The following AGMO variants were observed in gnomAD, a reference collection of about 807,000 sequenced individuals.
AGMO encodes glyceryl-ether monooxygenase.
A neutral mutation model predicts 60.2 loss-of-function variants in AGMO; 75 were observed. That is an observed-to-expected ratio of 1.25 (90% confidence interval 1.03 to 1.51). The LOEUF is 1.51. Ranked by LOEUF, AGMO falls within the 40% of genes most tolerant of loss-of-function variation. The pLI, the probability that AGMO is intolerant of heterozygous loss-of-function variation, is 0.00. For missense variants in AGMO, 763 were observed against 525.5 expected (o/e 1.45, Z -4.42); for synonymous variants, 261 against 177.1 (o/e 1.47, Z -3.76).
At chr7:15,221,338 A>T (rs941235150) in intron 12 of AGMO, among the ~76,000 whole-genome samples, 1 of 152,168 alleles carries the variant, frequency 6.6e-6, no homozygotes, top group African/African-American at 2.4e-5. Context: ...CTGGCTGATA[A>T]TGCTGATAGC....
At chr7:15,334,996 A>C (rs1182669948) in intron 12 of AGMO, among the ~76,000 whole-genome samples, 1 of 152,162 alleles carries the variant, frequency 6.6e-6, no homozygotes, top group Non-Finnish European at 1.5e-5. Context: ...TTTTTATTGG[A>C]GATGGAAATG....
chr7:15,344,322 G>A (rs762894262), intron 12 of AGMO, among the ~76,000 whole-genome samples: 20 of 152,126 alleles, frequency 1.3e-4, no homozygotes, highest in Non-Finnish European at 2.6e-4. Flanking sequence ...AGGTGCCAAC[G>A]CAGCTTATTT....
chr7:15,490,457 C>A (rs1292788322), intron 3 of AGMO, among the ~76,000 whole-genome samples: 2 of 150,910 alleles, frequency 1.3e-5, no homozygotes, highest in Non-Finnish European at 2.9e-5. Context: ...ATGAGAGAGG[C>A]TTTTCATGGG....
chr7:15,122,772 C>T, the AGMO span, among the ~76,000 whole-genome samples: 1 of 152,212 alleles, frequency 6.6e-6, no homozygotes, highest in East Asian at 1.9e-4. Flanking sequence ...AGCTTCCACC[C>T]TGGTATAAGC....
At chr7:15,423,559 AC>A (rs1780981413) in intron 4 of AGMO, among the ~76,000 whole-genome samples, 1 of 152,204 alleles carries the variant, frequency 6.6e-6, no homozygotes, top group South Asian at 2.1e-4. Flanking sequence ...AGACCCTGGC[AC>A]CCAGTACCTC....
chr7:15,558,675 G>A (rs1785219615), intron 2 of AGMO, among the ~76,000 whole-genome samples: 1 of 151,886 alleles, frequency 6.6e-6, no homozygotes, highest in Non-Finnish European at 1.5e-5. Context: ...TAGTTTTTCA[G>A]AGTAAATATT....
At chr7:15,258,178 A>C (rs1783157121) in intron 12 of AGMO, among the ~76,000 whole-genome samples, 1 of 152,212 alleles carries the variant, frequency 6.6e-6, no homozygotes, top group Admixed American at 6.5e-5. Flanking sequence ...TTATGAGCCA[A>C]TATCTTAATA....
At chr7:15,354,502 A>ACACGCG (rs1201404672) in intron 12 of AGMO, among the ~76,000 whole-genome samples, 1 of 21,138 alleles carries the variant, frequency 4.7e-5, no homozygotes, top group East Asian at 3.9e-3. Context: ...ACGTGTATAT[A>ACACGCG]TATATATATA....
At chr7:15,287,941 G>A (rs368066394) in intron 12 of AGMO, among the ~76,000 whole-genome samples, 3 of 152,166 alleles carry the variant, frequency 2.0e-5, no homozygotes, top group South Asian at 4.1e-4. Context: ...CAGGTGCTAT[G>A]GAAATCTTGA....
rs765644411 is a variant in AGMO at position 15,246,657 on chromosome 7, A to G, written c.1264-45298T>C. Among the ~76,000 whole-genome samples, 7 of 152,128 alleles carry G rather than the reference A, an allele frequency of 4.6e-5. 1 individual carries two copies. The highest frequency in any genetic ancestry group is 1.3e-4 in the Admixed American group (2 of 15,276). On this transcript the variant is annotated intron_variant, in intron 12 of 12. Coordinates refer to ENST00000342526, the MANE Select transcript of AGMO (RefSeq NM_001004320.2). ...ATTCCTCTCCTGTACTGAAGACCCA[A>G]TATCATATTCCTTCATAATATACAT...
intron 12 of AGMO, among the ~76,000 whole-genome samples, chr7:15,269,490 G>A (rs956253282): frequency 3.3e-5 from 5 of 152,014 alleles, no homozygotes; most frequent in Non-Finnish European, 5.9e-5. Flanking sequence ...GACAGGAGGC[G>A]GAGGTGAAGG....
At chr7:15,318,011 T>TA (rs574758047) in intron 12 of AGMO, among the ~76,000 whole-genome samples, 3 of 52,090 alleles carry the variant, frequency 5.8e-5, no homozygotes, top group African/African-American at 8.7e-5. Context: ...TATACATATA[T>TA]TTTTTTTTTT....
At chr7:15,185,208 C>T in the AGMO span, among the ~76,000 whole-genome samples, 1 of 151,922 alleles carries the variant, frequency 6.6e-6, no homozygotes, top group Non-Finnish European at 1.5e-5. Context: ...CTTCAATGTT[C>T]CATTTCAGTT....
At position 15,365,766 on chromosome 7, in the gene AGMO, A is replaced by G; in HGVS notation, c.1158-147T>C. The G allele has an allele frequency of 4.9e-6, 3 of 616,470 alleles. No individual in the cohort carries two copies. In the South Asian group the frequency reaches 7.4e-5, roughly 15 times the overall value. The allele number at this position is 616,470 out of a possible 1,614,324, so 38.2% of individuals were successfully genotyped here. On this transcript the variant is annotated intron_variant, in intron 11 of 12. Coordinates refer to ENST00000342526, the MANE Select transcript of AGMO (RefSeq NM_001004320.2). ...GCATGTCCCCTGAAGCAATTTGAAA[A>G]CAGTGATTAAGAAAGAACACTCATC...
intron 3 of AGMO, among the ~76,000 whole-genome samples, chr7:15,531,819 A>T (rs10261814): frequency 6.7e-6 from 1 of 149,934 alleles, no homozygotes; most frequent in East Asian, 2.0e-4. Flanking sequence ...CAGGTGCCCA[A>T]CACCATGCCC....
chr7:15,390,514 CT>C (rs1200311385), intron 8 of AGMO, among the ~76,000 whole-genome samples, 156 bp downstream of exon 8: 2 of 152,062 alleles, frequency 1.3e-5, no homozygotes, highest in Non-Finnish European at 2.9e-5. Flanking sequence ...CAAACTTTTG[CT>C]TGTGTAACAA....
intron 12 of AGMO, among the ~76,000 whole-genome samples, chr7:15,322,743 A>AAT (rs1185022164): frequency 7.9e-6 from 1 of 126,380 alleles, no homozygotes; most frequent in African/African-American, 3.0e-5. Context: ...TAAATATATA[A>AAT]ATATATATAA....
chr7:15,383,082 G>T (rs1260201634), intron 10 of AGMO, among the ~76,000 whole-genome samples: 1 of 151,534 alleles, frequency 6.6e-6, no homozygotes, highest in African/African-American at 2.4e-5. Flanking sequence ...CGTAGGCTGG[G>T]TACATAATCT....
At chr7:15,450,215 T>A (rs1562513617) in intron 3 of AGMO, among the ~76,000 whole-genome samples, 1 of 152,034 alleles carries the variant, frequency 6.6e-6, no homozygotes, top group Non-Finnish European at 1.5e-5. Context: ...GTTCAAGAGA[T>A]CGAGACCATC....
Sources: allele counts gnomAD v4.1 joint callset (sites outside exome capture counted in the v4.1 genomes callset), GRCh38; gene constraint gnomAD v4.1.1; transcripts MANE v1.5; gene names NCBI Gene and HGNC (gene_info 2026-07-23, HGNC 2026-07-21).